Variants in DGKB observed in about 807,000 individuals in gnomAD.
DGKB encodes the protein diacylglycerol kinase beta.
DGKB carries 67 observed loss-of-function variants against 114.3 expected under a neutral mutation model. That is an observed-to-expected ratio of 0.59 (90% CI 0.48 to 0.72). The LOEUF is 0.72. Ranked by LOEUF, DGKB falls within the 30% of genes least tolerant of loss-of-function variation. The pLI, the probability that DGKB is intolerant of heterozygous loss-of-function variation, is 0.00. For synonymous variants in DGKB, 398 were observed against 323.1 expected, an observed-to-expected ratio of 1.23 and a Z score of -2.49; for missense variants, 907 against 975.2, an observed-to-expected ratio of 0.93 and a Z score of 0.93.
chr7:14,908,238 A>T (rs1256261534), upstream of DGKB, among the ~76,000 whole-genome samples: 3 of 152,182 alleles, frequency 2.0e-5, no homozygotes, highest in Non-Finnish European at 2.9e-5. Flanking sequence ...GAGAAACTAC[A>T]TAGGCCAATT....
At chr7:14,175,861 G>T (rs1257886407) in intron 25 of DGKB, 4 of 152,154 alleles carry the variant, frequency 2.6e-5, no homozygotes, top group Non-Finnish European at 1.5e-5. Context: ...CTGAAGTGCG[G>T]TGGCACAATC....
At chr7:14,321,186 G>C (rs1198281426) in intron 23 of DGKB, among the ~76,000 whole-genome samples, 1 of 152,124 alleles carries the variant, frequency 6.6e-6, no homozygotes, top group Non-Finnish European at 1.5e-5. Context: ...AGCCGCTTGG[G>C]AAGCTGAGGT....
chr7:14,684,068 C>G (rs544815593), intron 10 of DGKB, among the ~76,000 whole-genome samples: 1 of 152,056 alleles, frequency 6.6e-6, no homozygotes, highest in Non-Finnish European at 1.5e-5. Flanking sequence ...TCTAGTGTAA[C>G]TAACATGTAA....
At chr7:14,928,342 T>C (rs1290726624) in intron 1 of DGKB, among the ~76,000 whole-genome samples, 1 of 151,956 alleles carries the variant, frequency 6.6e-6, no homozygotes, top group Non-Finnish European at 1.5e-5. Flanking sequence ...TTGATTTTAC[T>C]AAAATTTTCT....
At chr7:14,164,230 C>T (rs372713029) in intron 25 of DGKB, among the ~76,000 whole-genome samples, 3 of 152,218 alleles carry the variant, frequency 2.0e-5, no homozygotes, top group African/African-American at 7.2e-5. Context: ...TAAAAATACA[C>T]GTTCTTCTGT....
rs150256242 is a variant in DGKB, at chr7:14,273,262, C to T, written c.2122+65253G>A. On this transcript the variant is annotated intron_variant, in intron 23 of 25. Transcript: ENST00000402815. Reference sequence around the variant, plus strand: ...TCAGGAGGCTGAGGTGGGAGGATTGCTTAAGCCCAGGAGGTGGAGGTTGTA... The same window carrying T: ...TCAGGAGGCTGAGGTGGGAGGATTGTTTAAGCCCAGGAGGTGGAGGTTGTA... Among the ~76,000 whole-genome samples, 286 of 152,236 alleles carry T rather than the reference C, an allele frequency of 1.9e-3. 3 individuals carry two copies. The highest frequency in any genetic ancestry group is 6.4e-3 in the African/African-American group (266 of 41,540).
chr7:14,296,117 C>T (rs1802510895), intron 23 of DGKB, among the ~76,000 whole-genome samples: 1 of 151,838 alleles, frequency 6.6e-6, no homozygotes, highest in African/African-American at 2.4e-5. Context: ...CTGCAACCTC[C>T]ACCTCCCAGG....
rs146233756 is a variant in DGKB at position 14,337,815 on chromosome 7, GATTA to G, written c.2122+696_2122+699del. On this transcript the variant is annotated intron_variant, in intron 23 of 25. Coordinates refer to ENST00000402815, the MANE Select transcript of DGKB (RefSeq NM_001350709.2). ...TTACATACATAAACTATTGGGACAT[GATTA>G]GTTATCAGAATATCACATTGATATC... Among the ~76,000 whole-genome samples the G allele has an allele frequency of 8.8e-3, 1,344 of 152,218 alleles. 15 individuals are homozygous for G. Among genetic ancestry groups the G allele is most frequent in the African/African-American group, 0.031 (1,273 of 41,548 alleles).
intron 17 of DGKB, among the ~76,000 whole-genome samples, chr7:14,586,307 C>T (rs1411433089): frequency 1.3e-5 from 2 of 152,094 alleles, no homozygotes; most frequent in Admixed American, 1.3e-4. Context: ...GGAGCCACAA[C>T]ATTCCCTTAA....
chr7:14,378,916 G>A (rs979493594), intron 21 of DGKB, among the ~76,000 whole-genome samples: 5 of 151,840 alleles, frequency 3.3e-5, no homozygotes, highest in South Asian at 2.1e-4. Context: ...AAATATTTAC[G>A]CATTTTGGTG....
chr7:14,806,546 T>C (rs17288688), intron 2 of DGKB, among the ~76,000 whole-genome samples: 34,788 of 151,930 alleles, frequency 0.23, 4,957 homozygotes, highest in Non-Finnish European at 0.32. Context: ...ATAGCATCGA[T>C]ATTGTTTTAG....
intron 22 of DGKB, among the ~76,000 whole-genome samples, chr7:14,339,718 C>G (rs770155227): frequency 1.3e-5 from 2 of 151,720 alleles, no homozygotes; most frequent in Non-Finnish European, 2.9e-5. Context: ...AATTATTATC[C>G]CATTTTCAAT....
intron 21 of DGKB, among the ~76,000 whole-genome samples, chr7:14,388,592 T>A (rs958805913): frequency 5.3e-5 from 8 of 151,914 alleles, no homozygotes; most frequent in South Asian, 2.1e-4. Flanking sequence ...TAACTATACT[T>A]TTATTGGCAG....
chr7:14,486,887 C>T (rs1783893108), intron 20 of DGKB, among the ~76,000 whole-genome samples: 1 of 152,130 alleles, frequency 6.6e-6, no homozygotes, highest in Admixed American at 6.5e-5. Context: ...TTCCACTATA[C>T]ATTATGCATT....
At chr7:14,455,279 C>T (rs981097733) in intron 21 of DGKB, among the ~76,000 whole-genome samples, 1 of 151,882 alleles carries the variant, frequency 6.6e-6, no homozygotes, top group African/African-American at 2.4e-5. Context: ...AAATGCATTT[C>T]ATTGGTGTGG....
chr7:14,307,646 A>G (rs1166591356), intron 23 of DGKB, among the ~76,000 whole-genome samples: 2 of 152,206 alleles, frequency 1.3e-5, no homozygotes, highest in Admixed American at 1.3e-4. Flanking sequence ...GTGGAGAAAT[A>G]TAACATTTGT....
chr7:14,288,287 GTT>G (rs72215994), intron 23 of DGKB, among the ~76,000 whole-genome samples: 71,894 of 91,126 alleles, frequency 0.79, 28,053 homozygotes, highest in South Asian at 0.88. Context: ...ACTACCCTGA[GTT>G]TTTTTTTTTT....
At chr7:14,465,334 C>T (rs1325186104) in intron 21 of DGKB, among the ~76,000 whole-genome samples, 2 of 151,660 alleles carry the variant, frequency 1.3e-5, no homozygotes, top group Non-Finnish European at 1.5e-5. Context: ...GAAAAGAAAA[C>T]ATAAGAGTCT....
At chr7:14,178,241 TA>T in intron 23 of DGKB, 90 bp from the exon 24 acceptor site, 1 of 1,313,852 alleles carries the variant, frequency 7.6e-7, no homozygotes, top group Middle Eastern at 2.2e-4. Context: ...TTAAAAAAAA[TA>T]ACAGCCACTT....
Sources: allele counts gnomAD v4.1 joint callset (sites outside exome capture counted in the v4.1 genomes callset), GRCh38; gene constraint gnomAD v4.1.1; transcripts MANE v1.5; gene names NCBI Gene and HGNC (gene_info 2026-07-23, HGNC 2026-07-21).